FAM163B: variants seen among roughly 807,000 people sequenced by gnomAD.
FAM163B encodes the protein protein FAM163B.
A neutral mutation model predicts 7.6 loss-of-function variants in FAM163B; 4 were observed. The observed-to-expected ratio is 0.52, with a 90% confidence interval of 0.26 to 1.20. The LOEUF (loss-of-function observed/expected upper bound fraction) is 1.20. Ranked by LOEUF, FAM163B falls within the 50% of genes most tolerant of loss-of-function variation. The probability of loss-of-function intolerance (pLI) is 0.14; values close to 1 mark genes in which losing one functional copy is unlikely to be tolerated. For synonymous variants in FAM163B, 120 were observed against 111.6 expected (o/e 1.07, Z -0.47); for missense variants, 250 against 243.0 (o/e 1.03, Z -0.19).
chr9:133,579,065 C>G lies in FAM163B; in HGVS notation c.458G>C (p.Arg153Pro), dbSNP rs780818543. The G allele has an allele frequency of 2.5e-6, 4 of 1,587,132 alleles. No individual in the cohort carries two copies. The East Asian group carries it at 6.8e-5, about 27-fold the overall frequency. Residue 153 changes from arginine (R) to proline (P), a missense_variant, in exon 3 of 3, where the codon CGG (arginine) becomes CCG (proline). Arg to Pro is a moderately radical substitution (Grantham distance 103). Coordinates refer to ENST00000673969, the MANE Select transcript of FAM163B (RefSeq NM_001080515.3). ...GCTGCGGCTCCTGGCGAAGGCCTCC[C>G]GCATGGCTGAGAGGCGGTTGGGGTT... is the stretch of plus-strand genomic sequence containing the variant. ...ALNPNRLSAM[R>P]EAFARSRSIS...
chr9:133,585,191 C>T (rs1831415981), intron 1 of FAM163B, among the ~76,000 whole-genome samples: 2 of 152,218 alleles, frequency 1.3e-5, no homozygotes, highest in Non-Finnish European at 2.9e-5. Context: ...TCTCCTGCGG[C>T]ACCGGCACCG....
intron 1 of FAM163B, among the ~76,000 whole-genome samples, chr9:133,589,820 C>T (rs956944229): frequency 2.0e-5 from 3 of 151,132 alleles, no homozygotes; most frequent in Admixed American, 6.6e-5. Flanking sequence ...GGCTTCAGGC[C>T]GCCAGGAAAA....
At chr9:133,605,361 C>T (rs1395413615) in intron 1 of FAM163B, among the ~76,000 whole-genome samples, 4 of 152,232 alleles carry the variant, frequency 2.6e-5, no homozygotes, top group Non-Finnish European at 5.9e-5. Flanking sequence ...CTTGTCCACT[C>T]AGCCACACTG....
chr9:133,591,062 G>A (rs1831545354), intron 1 of FAM163B, among the ~76,000 whole-genome samples: 1 of 152,206 alleles, frequency 6.6e-6, no homozygotes, highest in South Asian at 2.1e-4. Context: ...AGCTACTGGG[G>A]CATCCTGGTC....
intron 1 of FAM163B, among the ~76,000 whole-genome samples, chr9:133,588,159 G>A (rs1347783158): frequency 2.6e-5 from 4 of 152,190 alleles, no homozygotes; most frequent in South Asian, 4.1e-4. Context: ...CTAGGGAATT[G>A]CAGACCCTGT....
At chr9:133,580,677 AC>A (rs1831343270) in intron 1 of FAM163B, among the ~76,000 whole-genome samples, 1 of 152,182 alleles carries the variant, frequency 6.6e-6, no homozygotes, top group African/African-American at 2.4e-5. Context: ...TCACACAGTC[AC>A]CATTATTCTG....
At chr9:133,598,251 C>T (rs1227523746) in intron 1 of FAM163B, among the ~76,000 whole-genome samples, 3 of 152,112 alleles carry the variant, frequency 2.0e-5, no homozygotes, top group East Asian at 1.9e-4. Flanking sequence ...GGGCTCTCCC[C>T]CTGGGGACCC....
intron 1 of FAM163B, among the ~76,000 whole-genome samples, chr9:133,591,957 C>G (rs969570346): frequency 6.6e-6 from 1 of 152,178 alleles, no homozygotes; most frequent in Middle Eastern, 3.2e-3. Flanking sequence ...CTGGCTCCTT[C>G]TGGCCCTTTA....
chr9:133,602,140 T>TA (rs1311772388), intron 1 of FAM163B, among the ~76,000 whole-genome samples: 5 of 129,592 alleles, frequency 3.9e-5, no homozygotes, highest in Admixed American at 1.7e-4. Flanking sequence ...TGGCAGGCCC[T>TA]GCCTCCAGCC....
At chr9:133,581,279 G>A (rs1190229345) in intron 1 of FAM163B, among the ~76,000 whole-genome samples, 2 of 152,296 alleles carry the variant, frequency 1.3e-5, no homozygotes, top group Admixed American at 1.3e-4. Context: ...TTTGACAAGC[G>A]GCTTACAAAA....
rs1205510347 is a variant in FAM163B, at chr9:133,609,290, T to C, written c.-237A>G. 6.7e-6 allele frequency among the ~76,000 whole-genome samples: 1 copy of C among 149,968 alleles called. No individual in the cohort carries two copies. Among genetic ancestry groups the C allele is most frequent in the Non-Finnish European group, 1.5e-5 (1 of 67,210 alleles). On this transcript the variant is annotated 5_prime_UTR_variant, in exon 1 of 3. Transcript: ENST00000673969. ...GACTGCGTGCCCAGGCGGGCACCCC[T>C]GCCAGCTCCGCGCTGCGGCCGCGAC...
At position 133,590,108 on chromosome 9, in the gene FAM163B, TTCCCCTCCCCTTCCCC is replaced by T. The variant is rs1831523397; in HGVS notation, c.-23-9878_-23-9863del. 1.5e-3 allele frequency among the ~76,000 whole-genome samples: 13 copies of T among 8,658 alleles called. 1 individual carries two copies. Among genetic ancestry groups the T allele is most frequent in the Admixed American group, 3.2e-3 (2 of 628 alleles). The allele number at this position is 8,658 out of a possible 152,430, so 5.7% of individuals were successfully genotyped here. ...CCCTTCCCTTCCCCTTCCCCTTCCC[TTCCCCTCCCCTTCCCC>T]TCCCCTTCCCCTCCCCTTCCCCTCC... On this transcript the variant is annotated intron_variant, in intron 1 of 2. Coordinates refer to ENST00000673969, the MANE Select transcript of FAM163B (RefSeq NM_001080515.3).
Position 133,601,498 on chromosome 9 carries a change from G to A in FAM163B, c.-24+7579C>T, listed in dbSNP as rs909970064. ...ATTAACCACAGGGGCCTGGCCAGGC[G>A]AGACCCACTCTCTCTGGAGTTCCCT... On this transcript the variant is annotated intron_variant, in intron 1 of 2. Transcript: ENST00000673969. The surrounding 1 kb of genome is among the most constrained non-coding windows in gnomAD (Gnocchi z 4.1). Among the ~76,000 whole-genome samples the A allele has an allele frequency of 1.3e-5, 2 of 152,142 alleles. No homozygotes were observed. Among genetic ancestry groups the A allele is most frequent in the Non-Finnish European group, 2.9e-5 (2 of 68,026 alleles).
rs1042784499 is a variant in FAM163B at position 133,581,983 on chromosome 9, G to A, written c.-23-1737C>T. ...TTCCAAATGTTATCCTTCTTTCCAC[G>A]TTTATGAGCTCCAGTTCTTCTTGAA... On this transcript the variant is annotated intron_variant, in intron 1 of 2. Coordinates refer to ENST00000673969, the MANE Select transcript of FAM163B (RefSeq NM_001080515.3). 1.2e-3 allele frequency among the ~76,000 whole-genome samples: 183 copies of A among 152,264 alleles called. 2 individuals are homozygous for A. The highest frequency in any genetic ancestry group is 2.2e-3 in the Admixed American group (33 of 15,290).
intron 1 of FAM163B, among the ~76,000 whole-genome samples, chr9:133,599,471 T>A (rs1355175703): frequency 1.3e-5 from 2 of 152,158 alleles, no homozygotes; most frequent in East Asian, 3.9e-4. Context: ...TGTGGGTATC[T>A]GTGTCTATGT....
intron 1 of FAM163B, among the ~76,000 whole-genome samples, chr9:133,605,094 C>T (rs779953815): frequency 4.6e-5 from 7 of 152,228 alleles, no homozygotes; most frequent in Non-Finnish European, 8.8e-5. Flanking sequence ...GCCTGTGGGC[C>T]CCGAGGCCAC....
intron 1 of FAM163B, among the ~76,000 whole-genome samples, chr9:133,589,564 C>T (rs74847236): frequency 0.018 from 2,679 of 152,228 alleles, 82 homozygotes; most frequent in African/African-American, 0.06. Flanking sequence ...AGACCTAAGC[C>T]CCATGAAGGC....
intron 1 of FAM163B, among the ~76,000 whole-genome samples, chr9:133,589,734 C>T (rs1230679926): frequency 1.3e-5 from 2 of 152,146 alleles, no homozygotes; most frequent in Non-Finnish European, 2.9e-5. Flanking sequence ...CCCTCGTGAC[C>T]CCCACCCTCA....
chr9:133,588,679 ACTGAGAGATCTAGCATG>A (rs1831487821), intron 1 of FAM163B, among the ~76,000 whole-genome samples: 1 of 21,008 alleles, frequency 4.8e-5, no homozygotes, highest in Non-Finnish European at 1.1e-4. Flanking sequence ...GATCTAGCAT[ACTGAGAGATCTAGCATG>A]CTGAGGGATC....
Sources: gnomAD v4.1 joint callset for allele counts (sites outside exome capture counted in the v4.1 genomes callset) on GRCh38, gnomAD v4.1.1 for gene constraint, Gnocchi (gnomAD v3.1) non-coding constraint, MANE v1.5 for transcripts, NCBI Gene and HGNC (gene_info 2026-07-23, HGNC 2026-07-21) for gene names.